NRP1: variants seen among roughly 807,000 people sequenced by gnomAD.
NRP1 encodes neuropilin-1.
NRP1 carries 35 observed loss-of-function variants against 106.7 expected under a neutral mutation model. The observed-to-expected ratio is 0.33, with a 90% CI of 0.25 to 0.43. The LOEUF (loss-of-function observed/expected upper bound fraction) is 0.43, where lower values mean the gene tolerates loss of function less well. Ranked by LOEUF, NRP1 falls within the 20% of genes least tolerant of loss-of-function variation. The pLI is 1.00. For synonymous variants in NRP1, 437 were observed against 417.9 expected (o/e 1.05, Z -0.56); for missense variants, 1,024 against 1,170.4 (o/e 0.87, Z 1.83).
chr10:33,210,054 G>C (rs144154520), intron 9 of NRP1, among the ~76,000 whole-genome samples: 1 of 152,350 alleles, frequency 6.6e-6, no homozygotes, highest in Non-Finnish European at 1.5e-5. Flanking sequence ...AGTGAAGACA[G>C]ATTGGGTAGG....
intron 2 of NRP1, among the ~76,000 whole-genome samples, chr10:33,329,398 C>G (rs567519100): frequency 1.3e-5 from 2 of 152,182 alleles, no homozygotes; most frequent in African/African-American, 4.8e-5. Flanking sequence ...GACCTCATCT[C>G]TCTGACCATG....
intron 15 of NRP1, among the ~76,000 whole-genome samples, chr10:33,184,070 G>A (rs955616948): frequency 1.3e-5 from 2 of 151,994 alleles, no homozygotes; most frequent in African/African-American, 2.4e-5. Context: ...GGAGTGCAAT[G>A]GTATGACCTT....
chr10:33,294,016 T>C (rs1032958380), intron 2 of NRP1, among the ~76,000 whole-genome samples: 6 of 152,236 alleles, frequency 3.9e-5, no homozygotes, highest in Non-Finnish European at 8.8e-5. Flanking sequence ...TACATTACTA[T>C]TGAACAATGC....
rs548306737 is a variant in NRP1, at chr10:33,246,782, C to T, written c.981+7246G>A. 6.6e-5 allele frequency among the ~76,000 whole-genome samples: 10 copies of T among 152,228 alleles called. No individual in the cohort carries two copies. In the South Asian group the frequency reaches 2.1e-3, roughly 32 times the overall value. On this transcript the variant is annotated intron_variant, in intron 6 of 16. Transcript: ENST00000374867. Reference sequence around the variant, plus strand: ...ATTTTAATGTAATTTTGGCAATTTACTAATGATCTGAATGAGTTAATACAC... The same window carrying T: ...ATTTTAATGTAATTTTGGCAATTTATTAATGATCTGAATGAGTTAATACAC...
At chr10:33,246,235 T>TA (rs374407709) in intron 6 of NRP1, among the ~76,000 whole-genome samples, 169 of 144,596 alleles carry the variant, frequency 1.2e-3, no homozygotes, top group Middle Eastern at 7.2e-3. Flanking sequence ...ATACCCTCCT[T>TA]AAAAAAAAAA....
chr10:33,258,680 C>G (rs1842365846), intron 4 of NRP1, among the ~76,000 whole-genome samples: 1 of 152,192 alleles, frequency 6.6e-6, no homozygotes, highest in Non-Finnish European at 1.5e-5. Context: ...TCTGATTCTT[C>G]TACAGGTAGT....
intron 4 of NRP1, 74 bp downstream of exon 4, chr10:33,263,572 T>G: frequency 3.4e-5 from 37 of 1,093,138 alleles, no homozygotes; most frequent in Non-Finnish European, 4.6e-5. Context: ...TCATGTATCA[T>G]GAGACTTGTA....
intron 6 of NRP1, among the ~76,000 whole-genome samples, chr10:33,250,887 C>A (rs1005698499): frequency 1.3e-5 from 2 of 152,140 alleles, no homozygotes; most frequent in Non-Finnish European, 2.9e-5. Context: ...CCAGGTGGGG[C>A]CACAGCTTCC....
intron 6 of NRP1, among the ~76,000 whole-genome samples, chr10:33,241,642 T>TGTG (rs897526330): frequency 7.3e-5 from 11 of 151,350 alleles, no homozygotes; most frequent in African/African-American, 9.7e-5. Flanking sequence ...GTTGTATGTG[T>TGTG]GTGGTGGTGG....
At chr10:33,272,780 G>A (rs1428289723) in intron 2 of NRP1, among the ~76,000 whole-genome samples, 3 of 152,032 alleles carry the variant, frequency 2.0e-5, no homozygotes, top group African/African-American at 7.3e-5. Flanking sequence ...GCCTGGCGAC[G>A]GTGCATCCAG....
At chr10:33,239,775 T>TACCTCACTCAAAC in intron 6 of NRP1, among the ~76,000 whole-genome samples, 1 of 152,344 alleles carries the variant, frequency 6.6e-6, no homozygotes, top group Admixed American at 6.5e-5. Flanking sequence ...TGCTCTCAAA[T>TACCTCACTCAAAC]ACCTCACTCA....
At chr10:33,253,524 A>G (rs1260799545) in intron 6 of NRP1, among the ~76,000 whole-genome samples, 3 of 152,334 alleles carry the variant, frequency 2.0e-5, no homozygotes, top group South Asian at 2.1e-4. Flanking sequence ...ATAGACCTAC[A>G]TGGAAAAACA....
At chr10:33,249,570 C>A (rs1258101115) in intron 6 of NRP1, 6 of 496,594 alleles carry the variant, frequency 1.2e-5, no homozygotes, top group Admixed American at 4.6e-5. Flanking sequence ...TAACCAGAAA[C>A]AAAGAAAGGA....
chr10:33,313,364 T>C (rs1279542774), intron 2 of NRP1, among the ~76,000 whole-genome samples: 1 of 152,106 alleles, frequency 6.6e-6, no homozygotes, highest in Non-Finnish European at 1.5e-5. Context: ...GGGAGGGTCT[T>C]GCAAAGACCA....
rs1588701670 is a variant in NRP1 at position 33,197,694 on chromosome 10, A to C, written c.1880T>G (p.Leu627Arg). Residue 627 changes from leucine to arginine, a missense_variant, in exon 12 of 17, where the codon CTG becomes CGG. Coordinates refer to ENST00000374867, the MANE Select transcript of NRP1 (RefSeq NM_003873.7). ...DFQLTGGTTV[L>R]ATEKPTVIDS... ...TATGACCGTGGGCTTTTCTGTGGCC[A>C]GCACAGTGGTGCCACCTGAAAAACA... 2.5e-6 allele frequency: 4 copies of C among 1,600,962 alleles called. No homozygotes were observed. In the East Asian group the frequency reaches 9.0e-5, roughly 36 times the overall value.
chr10:33,266,998 C>T (rs2133269215), intron 3 of NRP1, among the ~76,000 whole-genome samples: 1 of 152,254 alleles, frequency 6.6e-6, no homozygotes, highest in African/African-American at 2.4e-5. Flanking sequence ...TGCCACTGCA[C>T]TCCAGCCTGA....
In NRP1 at chr10:33,178,015, A is replaced by G. The variant is rs1835473023; in HGVS notation, c.*2061T>C. On this transcript the variant is annotated 3_prime_UTR_variant, in exon 17 of 17. Coordinates refer to ENST00000374867, the MANE Select transcript of NRP1 (RefSeq NM_003873.7). ...ACAACTTTAAGTCTGTTGCCTTTAA[A>G]AACAACAAACGAGTGTTTCTTAGTG... 1 of 152,618 alleles carries G rather than the reference A, an allele frequency of 6.6e-6. No individual in the cohort carries two copies. Among genetic ancestry groups the G allele is most frequent in the South Asian group, 2.1e-4 (1 of 4,830 alleles). 9.5% of individuals were successfully genotyped at this position (152,618 alleles called of 1,614,324 possible). A position where few individuals can be genotyped will look rare whatever the true frequency, so the allele number is the denominator to read the frequency against.
chr10:33,220,405 G>A (rs969064714), intron 8 of NRP1, among the ~76,000 whole-genome samples: 2 of 152,206 alleles, frequency 1.3e-5, no homozygotes, highest in East Asian at 1.9e-4. Flanking sequence ...GACATTGCTT[G>A]CTTTTAATTA....
intron 2 of NRP1, among the ~76,000 whole-genome samples, chr10:33,328,049 C>T (rs1433343813): frequency 6.6e-6 from 1 of 152,028 alleles, no homozygotes; most frequent in East Asian, 1.9e-4. Flanking sequence ...AAGAAATCAC[C>T]TTACTCTGTA....
Sources: gnomAD v4.1 joint callset for allele counts (sites outside exome capture counted in the v4.1 genomes callset) on GRCh38, gnomAD v4.1.1 for gene constraint, MANE v1.5 for transcripts, NCBI Gene and HGNC (gene_info 2026-07-23, HGNC 2026-07-21) for gene names.